TECR: variants seen among roughly 807,000 people sequenced by gnomAD.
The protein encoded by TECR is trans-2,3-enoyl-CoA reductase.
Under a neutral mutation model 50.6 loss-of-function variants are expected in TECR, and 19 were observed. The observed-to-expected ratio is 0.38, with a 90% confidence interval of 0.26 to 0.55. The LOEUF is 0.55. Among genes scored for constraint, TECR ranks in the 20% least tolerant of loss-of-function variants. The probability of loss-of-function intolerance (pLI) is 0.79; values close to 1 mark genes in which losing one functional copy is unlikely to be tolerated. For missense variants in TECR, 313 were observed against 408.3 expected (o/e 0.77, Z 2.01); for synonymous variants, 168 against 163.5 (o/e 1.03, Z -0.21).
upstream of TECR, chr19:14,529,546 C>T (rs576227374): frequency 2.1e-5 from 25 of 1,195,916 alleles, no homozygotes; most frequent in South Asian, 2.8e-4. Flanking sequence ...CCCTGATTGG[C>T]CGACGGGGCG....
At chr19:14,533,539 C>T (rs1364724682) in intron 1 of TECR, among the ~76,000 whole-genome samples, 1 of 152,156 alleles carries the variant, frequency 6.6e-6, no homozygotes, top group Non-Finnish European at 1.5e-5. Flanking sequence ...TTATGAAGTG[C>T]AGTTTACAAC....
Position 14,537,014 on chromosome 19 carries a change from G to A in TECR, c.15+7303G>A, listed in dbSNP as rs372149298. ...GAGGAGGAGGTGGGGCTTGAGGACGGGGAGGGGTGTCGAGGAGGGGGAGGC... is the reference window on the plus strand; with the variant it reads ...GAGGAGGAGGTGGGGCTTGAGGACGAGGAGGGGTGTCGAGGAGGGGGAGGC... On this transcript the variant is annotated intron_variant, in intron 1 of 12. Transcript: ENST00000215567. Among the ~76,000 whole-genome samples, 9 of 145,988 alleles carry A rather than the reference G, an allele frequency of 6.2e-5. No homozygotes were observed. In the East Asian group the frequency reaches 1.6e-3, roughly 26 times the overall value.
At chr19:14,561,317 T>A (rs1424507977) in intron 1 of TECR, among the ~76,000 whole-genome samples, 1 of 152,158 alleles carries the variant, frequency 6.6e-6, no homozygotes, top group Non-Finnish European at 1.5e-5. Flanking sequence ...CCCCCAAGAA[T>A]TGCTGGCTGG....
chr19:14,537,032 G>T (rs1408357399), intron 1 of TECR, among the ~76,000 whole-genome samples: 1 of 146,882 alleles, frequency 6.8e-6, no homozygotes. Context: ...TGTCGAGGAG[G>T]GGGAGGCGGG....
chr19:14,554,391 C>G (rs1427034471), intron 1 of TECR, among the ~76,000 whole-genome samples: 1 of 152,206 alleles, frequency 6.6e-6, no homozygotes, highest in Admixed American at 6.5e-5. Flanking sequence ...GCTTCCCGCT[C>G]TGGCCCGGGT....
intron 1 of TECR, among the ~76,000 whole-genome samples, chr19:14,555,092 T>TC (rs1267402542): frequency 6.6e-6 from 1 of 151,602 alleles, no homozygotes; most frequent in Admixed American, 6.6e-5. Flanking sequence ...TTTTTTTTTT[T>TC]GAGACAGGGT....
intron 1 of TECR, among the ~76,000 whole-genome samples, chr19:14,535,777 A>AAAAAT: frequency 1.4e-5 from 2 of 142,334 alleles, no homozygotes; most frequent in Non-Finnish European, 3.1e-5. Flanking sequence ...AAAAAAAAAA[A>AAAAAT]GGGAAAGTGG....
intron 1 of TECR, chr19:14,529,967 C>G: frequency 1.7e-6 from 1 of 576,008 alleles, no homozygotes; most frequent in Non-Finnish European, 3.1e-6. Context: ...GGCTGGGACG[C>G]TTGCAGGTTC....
At chr19:14,539,187 AGTTTTACCGT>A in intron 1 of TECR, among the ~76,000 whole-genome samples, 1 of 114,154 alleles carries the variant, frequency 8.8e-6, no homozygotes, top group Non-Finnish European at 1.7e-5. Context: ...GTAGAGACGA[AGTTTTACCGT>A]GTTAGCCAGG....
intron 1 of TECR, chr19:14,562,311 G>A: frequency 1.6e-6 from 1 of 645,152 alleles, no homozygotes; most frequent in Non-Finnish European, 2.8e-6. Context: ...CCCGTGGGGA[G>A]GTCGGTGGTG....
chr19:14,552,878 T>C (rs1368309684), intron 1 of TECR, among the ~76,000 whole-genome samples: 3 of 151,980 alleles, frequency 2.0e-5, no homozygotes, highest in African/African-American at 4.8e-5. Context: ...TGGGTGGCAG[T>C]CTCAGCATAG....
chr19:14,559,323 A>ACT (rs2073836954), intron 1 of TECR, among the ~76,000 whole-genome samples: 2 of 151,968 alleles, frequency 1.3e-5, no homozygotes, highest in African/African-American at 4.8e-5. Flanking sequence ...GGTACCCAGC[A>ACT]GCAGCCACTC....
chr19:14,558,448 T>C (rs2073806081), intron 1 of TECR, among the ~76,000 whole-genome samples: 1 of 152,182 alleles, frequency 6.6e-6, no homozygotes, highest in Admixed American at 6.5e-5. Context: ...CCGTGTGTCC[T>C]GGCTCTTGGC....
intron 1 of TECR, among the ~76,000 whole-genome samples, chr19:14,538,537 T>A (rs886593275): frequency 6.8e-3 from 56 of 8,182 alleles, no homozygotes; most frequent in African/African-American, 0.039. Context: ...CTTTTTTTTC[T>A]TTTTTTTTTT....
At chr19:14,529,911 A>C in intron 1 of TECR, 200 bp downstream of exon 1, 2 of 747,544 alleles carry the variant, frequency 2.7e-6, no homozygotes, top group South Asian at 1.7e-5. Flanking sequence ...ATAAATCTGC[A>C]ACCCAGGCTG....
At position 14,564,261 on chromosome 19, in the gene TECR, A is replaced by C; in HGVS notation, c.463A>C (p.Thr155Pro). The change falls in exon 7 of 13, where the codon ACT becomes CCT. Residue 155 changes from threonine (T) to proline (P), a missense_variant. Coordinates refer to ENST00000215567, the MANE Select transcript of TECR (RefSeq NM_138501.6). Reference sequence around the variant, plus strand: ...CTTCGTGCACCGCTTCTCCCATGGCACTATGCCTTTGCGCAACATCTTCAA... The same window carrying C: ...CTTCGTGCACCGCTTCTCCCATGGCCCTATGCCTTTGCGCAACATCTTCAA... Reference protein sequence around the residue: ...TLFVHRFSHGTMPLRNIFKNC... With the variant: ...TLFVHRFSHGPMPLRNIFKNC... 1 of 1,606,494 alleles carries C rather than the reference A, an allele frequency of 6.2e-7. No individual in the cohort carries two copies. The highest frequency in any genetic ancestry group is 8.5e-7 in the Non-Finnish European group (1 of 1,179,764).
intron 1 of TECR, among the ~76,000 whole-genome samples, chr19:14,547,143 A>G (rs188004656): frequency 2.0e-4 from 30 of 152,298 alleles, no homozygotes; most frequent in African/African-American, 6.3e-4. Flanking sequence ...GAGCTTATTC[A>G]TAGCCTCTTA....
intron 1 of TECR, among the ~76,000 whole-genome samples, chr19:14,535,646 C>G (rs564180631): frequency 2.3e-4 from 28 of 121,224 alleles, no homozygotes; most frequent in African/African-American, 7.5e-4. Context: ...CCCAGGTACT[C>G]GAGAGACTGA....
chr19:14,564,356 GC>G, intron 7 of TECR, 69 bp downstream of exon 7: 2 of 966,796 alleles, frequency 2.1e-6, no homozygotes, highest in Non-Finnish European at 2.7e-6. Flanking sequence ...CCCCCACCGA[GC>G]CCCACCCCAA....
Sources: gnomAD v4.1 joint callset for allele counts (sites outside exome capture counted in the v4.1 genomes callset) on GRCh38, gnomAD v4.1.1 for gene constraint, MANE v1.5 for transcripts, NCBI Gene and HGNC (gene_info 2026-07-23, HGNC 2026-07-21) for gene names.